GRID2: variants seen among roughly 807,000 people sequenced by gnomAD.
The protein encoded by GRID2 is glutamate receptor ionotropic, delta-2.
In GRID2, 33 loss-of-function variants were observed where a neutral mutation model predicts 114.8. The ratio of observed to expected loss-of-function variants is 0.29; its 90% CI spans 0.22 to 0.38. GRID2 has a LOEUF of 0.38. GRID2 is among the 10% of genes least tolerant of loss of function. The pLI is 1.00. For synonymous variants in GRID2, 505 were observed against 449.9 expected (o/e 1.12, Z -1.55); for missense variants, 1,184 against 1,257.7 (o/e 0.94, Z 0.89).
rs200358186 is a variant in GRID2 at position 92,405,866 on chromosome 4, ATG to A, written c.88+101124_88+101125del. ...TAGAGGGACAGAACTAATAGGATAG[ATG>A]TATATATAAAGGGGAGTTTATTAAG... On this transcript the variant is annotated intron_variant, in intron 1 of 15. Transcript: ENST00000282020. Among the ~76,000 whole-genome samples, 850 of 152,228 alleles carry A rather than the reference ATG, an allele frequency of 5.6e-3. 23 individuals carry two copies. The highest frequency in any genetic ancestry group is 0.052 in the Admixed American group (799 of 15,258).
At chr4:93,271,949 G>A (rs1198084500) in intron 8 of GRID2, among the ~76,000 whole-genome samples, 1 of 152,064 alleles carries the variant, frequency 6.6e-6, no homozygotes, top group Non-Finnish European at 1.5e-5. Context: ...AGATAAAATA[G>A]AAATAATTTT....
intron 3 of GRID2, among the ~76,000 whole-genome samples, chr4:93,101,304 A>G (rs1481640308): frequency 1.3e-5 from 2 of 152,032 alleles, no homozygotes; most frequent in Non-Finnish European, 2.9e-5. Context: ...CTATTTTGAA[A>G]TGTACAATCA....
chr4:93,095,285 G>A (rs1016548564), intron 3 of GRID2, among the ~76,000 whole-genome samples: 9 of 151,512 alleles, frequency 5.9e-5, no homozygotes, highest in Admixed American at 1.3e-4. Context: ...AGCCCTCCAC[G>A]CCCTGACAGG....
chr4:92,621,631 C>T (rs568433129), intron 2 of GRID2, among the ~76,000 whole-genome samples: 4 of 151,442 alleles, frequency 2.6e-5, no homozygotes, highest in South Asian at 2.1e-4. Flanking sequence ...CTGCACTTAG[C>T]GCAGGGCAAA....
chr4:93,166,247 C>G (rs1738237924), intron 4 of GRID2: 1 of 152,138 alleles, frequency 6.6e-6, no homozygotes, highest in South Asian at 2.1e-4. Context: ...TAAAGTGTTT[C>G]TTATGCTGTT....
chr4:92,605,818 T>C (rs929677670), intron 2 of GRID2, among the ~76,000 whole-genome samples: 4 of 152,002 alleles, frequency 2.6e-5, no homozygotes, highest in African/African-American at 4.8e-5. Context: ...TACTTGTGAG[T>C]TTTTTACCTA....
chr4:92,684,432 T>G (rs1733803472), intron 2 of GRID2, among the ~76,000 whole-genome samples: 1 of 152,054 alleles, frequency 6.6e-6, no homozygotes, highest in Non-Finnish European at 1.5e-5. Flanking sequence ...ACAGTAAGTA[T>G]AAATTTCTGT....
At chr4:93,752,362 T>C (rs1020180556) in intron 14 of GRID2, among the ~76,000 whole-genome samples, 1 of 151,322 alleles carries the variant, frequency 6.6e-6, no homozygotes, top group African/African-American at 2.4e-5. Flanking sequence ...TACTGTTCTT[T>C]TATTTATTTA....
rs1243752285 is a variant in GRID2 at position 92,333,500 on chromosome 4, C to T, written c.88+28756C>T. ...CTTCTATTTGTACTAATCTTTTTAGCAGATGGTTGCTTGGACACTCTTGGT... is the reference window on the plus strand; with the variant it reads ...CTTCTATTTGTACTAATCTTTTTAGTAGATGGTTGCTTGGACACTCTTGGT... On this transcript the variant is annotated intron_variant, in intron 1 of 15. Transcript: ENST00000282020. Among the ~76,000 whole-genome samples, 3 of 152,184 alleles carry T rather than the reference C, an allele frequency of 2.0e-5. No homozygotes were observed. In the East Asian group the frequency reaches 5.8e-4, roughly 29 times the overall value.
chr4:92,817,963 T>C (rs1741016312), intron 2 of GRID2, among the ~76,000 whole-genome samples: 1 of 152,172 alleles, frequency 6.6e-6, no homozygotes, highest in Non-Finnish European at 1.5e-5. Context: ...CAATGCTATG[T>C]TTGCCGCTAA....
intron 1 of GRID2, among the ~76,000 whole-genome samples, chr4:92,586,396 A>G (rs1728450325): frequency 7.0e-6 from 1 of 142,408 alleles, no homozygotes; most frequent in African/African-American, 2.6e-5. Flanking sequence ...ACACACACAT[A>G]CACACACACA....
chr4:93,510,722 C>CA (rs893287939), intron 12 of GRID2, among the ~76,000 whole-genome samples: 2 of 151,714 alleles, frequency 1.3e-5, no homozygotes, highest in South Asian at 2.1e-4. Context: ...AAAAATTCCA[C>CA]AAAAAAATAC....
intron 2 of GRID2, among the ~76,000 whole-genome samples, chr4:92,756,864 G>A (rs1198995823): frequency 6.6e-6 from 1 of 151,880 alleles, no homozygotes; most frequent in Admixed American, 6.6e-5. Flanking sequence ...TTAGTTTCTT[G>A]TCAGATAAAG....
chr4:92,725,576 A>G (rs148786039), intron 2 of GRID2, among the ~76,000 whole-genome samples: 156 of 152,216 alleles, frequency 1.0e-3, no homozygotes, highest in Admixed American at 6.0e-3. Flanking sequence ...TTCATTTTAG[A>G]TCTTATTTTG....
intron 3 of GRID2, among the ~76,000 whole-genome samples, chr4:93,090,808 A>T (rs1380280165): frequency 6.6e-6 from 1 of 152,118 alleles, no homozygotes; most frequent in Non-Finnish European, 1.5e-5. Context: ...GGTGGAGGGA[A>T]GGGTTAGGCC....
At chr4:92,688,037 CTTTTTTTTTTTTTTTTTT>C (rs760605020) in intron 2 of GRID2, among the ~76,000 whole-genome samples, 9 of 44,668 alleles carry the variant, frequency 2.0e-4, no homozygotes, top group Non-Finnish European at 3.2e-4. Context: ...CCTTCTTCTT[CTTTTTTTTTTTTTTTTTT>C]TTTTTTTTTT....
chr4:92,552,970 GA>G (rs1560707164), intron 1 of GRID2, among the ~76,000 whole-genome samples: 1 of 152,174 alleles, frequency 6.6e-6, no homozygotes, highest in Non-Finnish European at 1.5e-5. Flanking sequence ...TTGGTGAGCA[GA>G]TTTGCTCACA....
At chr4:93,644,780 A>T (rs1307128789) in intron 14 of GRID2, among the ~76,000 whole-genome samples, 2 of 152,180 alleles carry the variant, frequency 1.3e-5, no homozygotes, top group Non-Finnish European at 2.9e-5. Context: ...CAGAGGCTGT[A>T]AATATCAGAC....
At chr4:93,029,329 A>G (rs745635933) in intron 2 of GRID2, among the ~76,000 whole-genome samples, 1 of 152,132 alleles carries the variant, frequency 6.6e-6, no homozygotes, top group African/African-American at 2.4e-5. Flanking sequence ...ATATTTCTTT[A>G]CCAACATTTT....
Sources: allele counts gnomAD v4.1 joint callset (sites outside exome capture counted in the v4.1 genomes callset), GRCh38; gene constraint gnomAD v4.1.1; transcripts MANE v1.5; gene names NCBI Gene and HGNC (gene_info 2026-07-23, HGNC 2026-07-21).